Variants in NAV2 observed in about 807,000 individuals in gnomAD.
NAV2 encodes the protein helicase, APC down-regulated 1.
Under a neutral mutation model 223.2 loss-of-function variants are expected in NAV2, and 54 were observed. That is an observed-to-expected ratio of 0.24 (90% CI 0.19 to 0.30). The LOEUF is 0.30. Among genes scored for constraint, NAV2 ranks in the 10% least tolerant of loss-of-function variants. The probability of loss-of-function intolerance (pLI) is 1.00; values close to 1 mark genes in which losing one functional copy is unlikely to be tolerated. For missense variants in NAV2, 2,806 were observed against 3,147.5 expected (o/e 0.89, Z 2.60); for synonymous variants, 1,279 against 1,239.3 (o/e 1.03, Z -0.67).
intron 1 of NAV2, among the ~76,000 whole-genome samples, chr11:19,816,305 T>C (rs2059087136): frequency 1.3e-5 from 2 of 152,212 alleles, no homozygotes; most frequent in South Asian, 4.1e-4. Context: ...TTGCCTGCCT[T>C]CCAGAGTTTT....
At chr11:19,625,253 G>C (rs1332256390) in intron 1 of NAV2, among the ~76,000 whole-genome samples, 1 of 152,032 alleles carries the variant, frequency 6.6e-6, no homozygotes, top group Non-Finnish European at 1.5e-5. Context: ...AGTATCCTCT[G>C]TTCTAATTTT....
At chr11:19,598,272 G>A (rs1339447807) in intron 1 of NAV2, among the ~76,000 whole-genome samples, 1 of 152,226 alleles carries the variant, frequency 6.6e-6, no homozygotes, top group African/African-American at 2.4e-5. Context: ...GTGCCAGGGG[G>A]TCCTCAGAGC....
Position 20,035,988 on chromosome 11 carries a change from G to A in NAV2, c.2798G>A (p.Gly933Asp), listed in dbSNP as rs753559879. ...SWDDSSSVSSGISDTIDNLST... is the reference protein window; with the variant it reads ...SWDDSSSVSSDISDTIDNLST... ...GACGACAGCAGCTCCGTCAGCAGCGGCATCAGCGACACCATAGACAACCTC... is the reference window on the plus strand; with the variant it reads ...GACGACAGCAGCTCCGTCAGCAGCGACATCAGCGACACCATAGACAACCTC... The change falls in exon 12 of 38, where the codon GGC becomes GAC. Residue 933 changes from glycine to aspartate, a missense_variant. Physicochemically the swap from Gly to Asp is moderately conservative, Grantham distance 94 (BLOSUM62 -1). Coordinates refer to ENST00000349880, the MANE Select transcript of NAV2 (RefSeq NM_145117.5). 1.9e-6 allele frequency: 3 copies of A among 1,614,182 alleles called. No individual in the cohort carries two copies. The highest frequency in any genetic ancestry group is 1.7e-6 in the Non-Finnish European group (2 of 1,180,016).
intron 1 of NAV2, among the ~76,000 whole-genome samples, chr11:19,724,662 A>T (rs761652762): frequency 6.6e-6 from 1 of 152,220 alleles, no homozygotes; most frequent in Non-Finnish European, 1.5e-5. Flanking sequence ...TACATACATT[A>T]TCCCCTTTAA....
chr11:19,717,318 C>CACAGGGCA (rs1456127247), intron 1 of NAV2, among the ~76,000 whole-genome samples: 1 of 152,210 alleles, frequency 6.6e-6, no homozygotes, highest in East Asian at 1.9e-4. Flanking sequence ...AACTGATATA[C>CACAGGGCA]ACAGGGCAAC....
At chr11:19,596,899 C>T (rs1272284873) in intron 1 of NAV2, among the ~76,000 whole-genome samples, 2 of 152,224 alleles carry the variant, frequency 1.3e-5, no homozygotes, top group South Asian at 2.1e-4. Context: ...GTAGGTATAA[C>T]TATCCCCACT....
intron 11 of NAV2, among the ~76,000 whole-genome samples, chr11:20,008,551 G>C (rs1394821009): frequency 1.3e-5 from 2 of 152,148 alleles, no homozygotes; most frequent in Non-Finnish European, 2.9e-5. Context: ...TCTTAAGCTT[G>C]ACCCTTAGGA....
intron 1 of NAV2, among the ~76,000 whole-genome samples, chr11:19,726,575 A>T (rs2051276481): frequency 6.6e-6 from 1 of 152,214 alleles, no homozygotes; most frequent in South Asian, 2.1e-4. Context: ...ACTGACTGTG[A>T]GCTGCCCACA....
intron 1 of NAV2, among the ~76,000 whole-genome samples, chr11:19,756,214 G>A (rs2054221755): frequency 6.6e-6 from 1 of 152,106 alleles, no homozygotes; most frequent in African/African-American, 2.4e-5. Flanking sequence ...ACATTCAGGT[G>A]TTTCTGCCAG....
intron 1 of NAV2, among the ~76,000 whole-genome samples, chr11:19,454,487 C>G (rs1175610776): frequency 6.6e-6 from 1 of 152,182 alleles, no homozygotes; most frequent in Non-Finnish European, 1.5e-5. Context: ...TGTGCTGGGC[C>G]TGGGGCTTTA....
intron 10 of NAV2, among the ~76,000 whole-genome samples, chr11:19,982,259 T>TTTTG (rs1555178644): frequency 0.67 from 90,489 of 135,488 alleles, 31,507 homozygotes; most frequent in Non-Finnish European, 0.78. Context: ...TTTGTTTTTG[T>TTTTG]TTTTGTTTTG....
In NAV2 at chr11:19,467,273, G is replaced by T. The variant is rs79596366; in HGVS notation, c.75+116246G>T. Reference sequence around the variant, plus strand: ...AGTCAATAAGGCATATTTCTTCTGTGAGTATACCGTAATTTAACAAATCTA... The same window carrying T: ...AGTCAATAAGGCATATTTCTTCTGTTAGTATACCGTAATTTAACAAATCTA... On this transcript the variant is annotated intron_variant, in intron 1 of 37. Coordinates refer to the NAV2 transcript ENST00000360655. Among the ~76,000 whole-genome samples the T allele has an allele frequency of 7.2e-3, 1,100 of 152,224 alleles. 16 individuals carry two copies. The highest frequency in any genetic ancestry group is 0.025 in the African/African-American group (1,055 of 41,534).
chr11:19,666,249 C>T (rs1174655465), intron 1 of NAV2, among the ~76,000 whole-genome samples: 3 of 152,206 alleles, frequency 2.0e-5, no homozygotes, highest in African/African-American at 7.2e-5. Context: ...GCCAGACCAA[C>T]CAGGATTCTG....
intron 1 of NAV2, among the ~76,000 whole-genome samples, chr11:19,600,724 T>C (rs946253827): frequency 6.6e-6 from 1 of 152,136 alleles, no homozygotes; most frequent in Non-Finnish European, 1.5e-5. Context: ...TTTTTGAAGA[T>C]CAAATAAGTT....
At chr11:19,500,315 A>G (rs2042925749) in intron 1 of NAV2, among the ~76,000 whole-genome samples, 1 of 152,160 alleles carries the variant, frequency 6.6e-6, no homozygotes, top group African/African-American at 2.4e-5. Flanking sequence ...CACAGCCAGC[A>G]GTGTCCAGCC....
At chr11:19,949,102 T>G in intron 10 of NAV2, 22 bp downstream of exon 10, 1 of 1,560,128 alleles carries the variant, frequency 6.4e-7, no homozygotes, top group Non-Finnish European at 8.7e-7. Flanking sequence ...GGGCCGCCCT[T>G]TCTCCCAGAG....
chr11:19,678,296 G>T (rs78684092), intron 1 of NAV2, among the ~76,000 whole-genome samples: 1 of 152,136 alleles, frequency 6.6e-6, no homozygotes, highest in Non-Finnish European at 1.5e-5. Context: ...TAGTATTCTC[G>T]TTTTGTACAT....
Position 19,946,421 on chromosome 11 carries a change from C to T in NAV2, c.2167C>T (p.Arg723Trp), listed in dbSNP as rs757323535. Reference protein sequence around the residue: ...ELTGEDPEARRLRTVKNIADL... With the variant: ...ELTGEDPEARWLRTVKNIADL... ...TCTAGGGGAAGATCCTGAGGCTCGG[C>T]GGCTGCGGACAGTGAAGAACATCGC... The change falls in exon 9 of 38, where the codon CGG becomes TGG. Residue 723 changes from arginine to tryptophan, a missense_variant. Physicochemically the swap from Arg to Trp is moderately radical, Grantham distance 101. This residue lies in a region of NAV2 where 1,167 missense variants were observed against 1,180.5 expected (regional missense o/e 0.99). Coordinates refer to ENST00000349880, the MANE Select transcript of NAV2 (RefSeq NM_145117.5). 8 of 1,612,352 alleles carry T rather than the reference C, an allele frequency of 5.0e-6. No homozygotes were observed. The highest frequency in any genetic ancestry group is 1.7e-4 in the Middle Eastern group (1 of 6,058).
chr11:19,966,669 C>T (rs893196233), intron 10 of NAV2, among the ~76,000 whole-genome samples: 4 of 152,158 alleles, frequency 2.6e-5, no homozygotes, highest in African/African-American at 9.7e-5. Context: ...ACCCACCTGC[C>T]ACAATCCTTC....
Sources: allele counts gnomAD v4.1 joint callset (sites outside exome capture counted in the v4.1 genomes callset), GRCh38; gene constraint gnomAD v4.1.1; regional missense constraint gnomAD v4.1.1; transcripts MANE v1.5; gene names NCBI Gene and HGNC (gene_info 2026-07-23, HGNC 2026-07-21).